Variants in NEB observed in about 807,000 individuals in gnomAD.
NEB encodes nemaline myopathy type 2.
Under a neutral mutation model 952.2 loss-of-function variants are expected in NEB, and 512 were observed. That is an observed-to-expected ratio of 0.54 (90% CI 0.50 to 0.58). The LOEUF (loss-of-function observed/expected upper bound fraction) is 0.58, where lower values mean the gene tolerates loss of function less well. Among genes scored for constraint, NEB ranks in the 20% least tolerant of loss-of-function variants. The pLI is 0.00. For synonymous variants in NEB, 2,900 were observed against 3,149.8 expected, an observed-to-expected ratio of 0.92 and a Z score of 2.66; for missense variants, 8,428 against 9,231.1, an observed-to-expected ratio of 0.91 and a Z score of 3.56.
chr2:151,487,315 T>C (rs980429106), intron 181 of NEB, among the ~76,000 whole-genome samples: 1 of 152,240 alleles, frequency 6.6e-6, no homozygotes, highest in African/African-American at 2.4e-5. Context: ...CAAAAGTTTC[T>C]TCCTAGGAGC....
intron 54 of NEB, among the ~76,000 whole-genome samples, chr2:151,649,830 TAAGGTACTCAG>T (rs1227142308): frequency 2.0e-5 from 3 of 152,162 alleles, no homozygotes; most frequent in Non-Finnish European, 4.4e-5. Flanking sequence ...TGTGCCTGTG[TAAGGTACTCAG>T]AATCTTTCCC....
chr2:151,499,870 A>G (rs2153034210), intron 168 of NEB, among the ~76,000 whole-genome samples: 1 of 152,302 alleles, frequency 6.6e-6, no homozygotes, highest in East Asian at 1.9e-4. Context: ...AATATGTGGC[A>G]TTGTCTATTT....
chr2:151,565,541 T>C lies in NEB; in HGVS notation c.18326A>G (p.Glu6109Gly). 6.2e-7 allele frequency: 1 copy of C among 1,602,498 alleles called. No individual in the cohort carries two copies. The change falls in exon 116 of 182, where the codon GAG becomes GGG. Residue 6109 changes from glutamate to glycine, a missense_variant. By Grantham distance (98) the Glu-to-Gly change is moderately conservative. This residue lies in a region of NEB where 3,374 missense variants were observed against 3,651.5 expected (regional missense o/e 0.92). Coordinates refer to ENST00000397345, the MANE Select transcript of NEB (RefSeq NM_001164508.2). ...AGAATTAATCTTGGCTAAAACAATC[T>C]CTGGAGGATCCACCACACTTCTAAA... Reference protein sequence around the residue: ...PNFRSVVDPPEIVLAKINSVN... With the variant: ...PNFRSVVDPPGIVLAKINSVN...
At chr2:151,549,328 T>C (rs2095091283) in intron 130 of NEB, among the ~76,000 whole-genome samples, 2 of 152,190 alleles carry the variant, frequency 1.3e-5, no homozygotes, top group South Asian at 4.1e-4. Flanking sequence ...CTTGGGATAA[T>C]TCAGGGTGCA....
At chr2:151,532,807 A>G (rs2091991056) in intron 143 of NEB, among the ~76,000 whole-genome samples, 1 of 152,102 alleles carries the variant, frequency 6.6e-6, no homozygotes. Flanking sequence ...GTAGTTACCA[A>G]TTATCACTGT....
In NEB at chr2:151,523,360, C is replaced by T. The variant is rs2083286053; in HGVS notation, c.22479+951G>A. 2.0e-5 allele frequency among the ~76,000 whole-genome samples: 3 copies of T among 152,336 alleles called. No individual in the cohort carries two copies. In the South Asian group the frequency reaches 6.2e-4, roughly 32 times the overall value. On this transcript the variant is annotated intron_variant, in intron 153 of 181. Coordinates refer to ENST00000397345, the MANE Select transcript of NEB (RefSeq NM_001164508.2). ...AATTCTAACTTGTTCTGTCACTTGA[C>T]ATTACTGCATTATATCTTCCAAAAG...
At chr2:151,613,659 G>T (rs998873880) in intron 77 of NEB, among the ~76,000 whole-genome samples, 2 of 152,172 alleles carry the variant, frequency 1.3e-5, no homozygotes, top group Non-Finnish European at 2.9e-5. Flanking sequence ...CAATGTTGGA[G>T]GAGGGGCCTG....
Position 151,567,251 on chromosome 2 carries a change from G to A in NEB, c.18073C>T (p.Arg6025Cys), listed in dbSNP as rs765174060. The change falls in exon 114 of 182, where the codon CGT becomes TGT. Residue 6025 changes from arginine to cysteine, a missense_variant. By Grantham distance (180) the Arg-to-Cys change is radical. This residue lies in a region of NEB where 3,374 missense variants were observed against 3,651.5 expected (regional missense o/e 0.92). Transcript: ENST00000397345. The stretch of plus-strand genomic sequence containing the variant: ...CACATCCATTGGTGCAAGTAATTAC[G>A]ATAATCAATATCACTGACAAGGGTC... ...GQTLVSDIDY[R>C]NYLHQWMCHP... 1.9e-5 allele frequency: 31 copies of A among 1,613,696 alleles called. No individual in the cohort carries two copies. Among genetic ancestry groups the A allele is most frequent in the Middle Eastern group, 1.6e-4 (1 of 6,082 alleles).
At chr2:151,514,982 ATC>A (rs2076816338) in intron 157 of NEB, 54 bp from the exon 158 acceptor site, 1 of 1,102,428 alleles carries the variant, frequency 9.1e-7, no homozygotes, top group African/African-American at 1.6e-5. Flanking sequence ...ATTACAATAT[ATC>A]TCTCCATCTC....
chr2:151,688,734 ATAAC>A (rs1177417418), intron 24 of NEB, among the ~76,000 whole-genome samples: 3 of 152,198 alleles, frequency 2.0e-5, no homozygotes, highest in Non-Finnish European at 2.9e-5. Context: ...ATTAACAACA[ATAAC>A]TAATAAATAG....
intron 39 of NEB, 108 bp downstream of exon 39, chr2:151,668,919 C>G (rs146859476): frequency 1.3e-6 from 1 of 797,382 alleles, no homozygotes; most frequent in African/African-American, 1.7e-5. Flanking sequence ...TGTGGAGGCT[C>G]AGGGTCCACA....
At position 151,489,975 on chromosome 2, in the gene NEB, G is replaced by A; in HGVS notation, c.25400C>T (p.Ala8467Val). 1 of 1,582,200 alleles carries A rather than the reference G, an allele frequency of 6.3e-7. No homozygotes were observed. Among genetic ancestry groups the A allele is most frequent in the South Asian group, 1.1e-5 (1 of 90,430 alleles). The change falls in exon 181 of 182, where the codon GCT becomes GTT. Residue 8467 changes from alanine (A) to valine (V), a missense_variant. This residue lies in a region of NEB where 3,374 missense variants were observed against 3,651.5 expected (regional missense o/e 0.92). Transcript: ENST00000397345. ...VSSIPSHPST[A>V]GKIFRAMYDY... is the part of the protein sequence containing the mutation. ...AGTGAGTTGTTATTCACTTACTCCA[G>A]CAGTAGATGGATGAGATGGGATGGA...
intron 142 of NEB, 55 bp downstream of exon 142, chr2:151,535,634 CTG>C (rs2093023474): frequency 9.0e-7 from 1 of 1,112,444 alleles, no homozygotes; most frequent in Non-Finnish European, 1.3e-6. Context: ...TAAAAAAACT[CTG>C]AGACTTCTTT....
Position 151,502,894 on chromosome 2 carries a change from T to C in NEB, c.23836-9A>G. The C allele has an allele frequency of 6.7e-7, 1 of 1,483,384 alleles. No individual in the cohort carries two copies. The highest frequency in any genetic ancestry group is 1.4e-5 in the African/African-American group (1 of 71,726). 91.9% of individuals were successfully genotyped at this position (1,483,384 alleles called of 1,614,324 possible). A position where few individuals can be genotyped will look rare whatever the true frequency, so the allele number is the denominator to read the frequency against. On this transcript the variant is annotated splice_polypyrimidine_tract_variant and intron_variant, in intron 166 of 181. Coordinates refer to ENST00000397345, the MANE Select transcript of NEB (RefSeq NM_001164508.2). ...TTTTCTTTGTACAAAACCTGTGAGA[T>C]ACAAGAAAGTACCCAGAGGACATTT... is the stretch of plus-strand genomic sequence containing the variant.
chr2:151,697,230 T>A lies in NEB; in HGVS notation c.1388A>T (p.Glu463Val), dbSNP rs1244069276. The change falls in exon 16 of 182, where the codon GAA becomes GTA. Residue 463 changes from glutamate to valine, a missense_variant. Glu to Val is a moderately radical substitution (Grantham distance 121). Coordinates refer to ENST00000397345, the MANE Select transcript of NEB (RefSeq NM_001164508.2). ...NSDKNYKAEY[E>V]EDRGKGFFPQ... ...GAAGAAGCCTTTGCCTCTGTCTTCT[T>A]CGTATTCTGCTTTGTAGTTTTTCTA... 6.2e-7 allele frequency: 1 copy of A among 1,613,924 alleles called. No homozygotes were observed. The highest frequency in any genetic ancestry group is 2.2e-5 in the East Asian group (1 of 44,872).
At chr2:151,665,082 T>C (rs1210590048) in intron 42 of NEB, among the ~76,000 whole-genome samples, 1 of 152,172 alleles carries the variant, frequency 6.6e-6, no homozygotes, top group Non-Finnish European at 1.5e-5. Flanking sequence ...AATACCATCT[T>C]GCCCCCACCG....
rs535412981 is a variant in NEB at position 151,569,419 on chromosome 2, TC to T, written c.17431-48del. ...GAGTTCAGCAACCCTGGTCATGTGG[TC>T]CTAGTTAGCCTATCCATTGGTCTCA... is the stretch of plus-strand genomic sequence containing the variant. On this transcript the variant is annotated intron_variant, in intron 109 of 181. Transcript: ENST00000397345. 374 of 1,414,976 alleles carry T rather than the reference TC, an allele frequency of 2.6e-4. 5 individuals are homozygous for T. In the South Asian group the frequency reaches 4.1e-3, roughly 15 times the overall value. The allele number at this position is 1,414,976 out of a possible 1,614,324, so 87.7% of individuals were successfully genotyped here.
chr2:151,648,770 G>A (rs2098995070), intron 54 of NEB, among the ~76,000 whole-genome samples: 1 of 152,218 alleles, frequency 6.6e-6, no homozygotes, highest in East Asian at 1.9e-4. Flanking sequence ...GCTTCTGGTT[G>A]AAAGTCACTA....
At position 151,506,583 on chromosome 2, in the gene NEB, C is replaced by CA. The variant is rs1329162955; in HGVS notation, c.23556+325dup. On this transcript the variant is annotated intron_variant, in intron 163 of 181. Coordinates refer to ENST00000397345, the MANE Select transcript of NEB (RefSeq NM_001164508.2). Reference sequence around the variant, plus strand: ...AAAATCCATTAAAGAAATGCAAACTCAGTCAGTTATTTGGGGGAGGGATAA... The same window carrying CA: ...AAAATCCATTAAAGAAATGCAAACTCAAGTCAGTTATTTGGGGGAGGGATAA... Among the ~76,000 whole-genome samples, 6 of 152,302 alleles carry CA rather than the reference C, an allele frequency of 3.9e-5. No individual in the cohort carries two copies. The South Asian group carries it at 1.2e-3, about 32-fold the overall frequency.
Sources: allele counts gnomAD v4.1 joint callset (sites outside exome capture counted in the v4.1 genomes callset), GRCh38; gene constraint gnomAD v4.1.1; regional missense constraint gnomAD v4.1.1; transcripts MANE v1.5; gene names NCBI Gene and HGNC (gene_info 2026-07-23, HGNC 2026-07-21).